The following SAYSD1 variants were observed in gnomAD, a reference collection of about 807,000 sequenced individuals.
SAYSD1 encodes the protein SAYSVFN motif domain containing 1.
A neutral mutation model predicts 14.5 loss-of-function variants in SAYSD1; 15 were observed. The observed-to-expected ratio is 1.03, with a 90% confidence interval of 0.69 to 1.59. The LOEUF is 1.59. Ranked by LOEUF, SAYSD1 falls within the 40% of genes most tolerant of loss-of-function variation. The pLI is 0.00. For missense variants in SAYSD1, 247 were observed against 227.3 expected (o/e 1.09, Z -0.56); for synonymous variants, 105 against 102.6 (o/e 1.02, Z -0.14).
intron 1 of SAYSD1, chr6:39,112,291 C>A (rs1299471379): frequency 6.5e-6 from 1 of 153,458 alleles, no homozygotes. Context: ...AACAGCTTAA[C>A]GACCTCAAAA....
At chr6:39,112,501 G>T (rs1204545336) in intron 1 of SAYSD1, 1 of 153,014 alleles carries the variant, frequency 6.5e-6, no homozygotes, top group East Asian at 1.9e-4. Context: ...AATGAGTTCT[G>T]ATATTTCTGA....
chr6:39,109,406 A>G, intron 1 of SAYSD1: 3 of 1,549,260 alleles, frequency 1.9e-6, no homozygotes, highest in Middle Eastern at 1.7e-4. Flanking sequence ...GGGAAGGAGG[A>G]TGTAGATACT....
intron 1 of SAYSD1, chr6:39,111,990 A>T (rs1224382639): frequency 6.6e-6 from 1 of 152,226 alleles, no homozygotes; most frequent in Non-Finnish European, 1.5e-5. Context: ...AAGTGGAGCA[A>T]CATAGGAAAG....
chr6:39,115,124 G>A lies in SAYSD1; in HGVS notation c.-35C>T, dbSNP rs573985214. 62 of 1,577,754 alleles carry A rather than the reference G, an allele frequency of 3.9e-5. No homozygotes were observed. In the South Asian group the frequency reaches 6.4e-4, roughly 16 times the overall value. On this transcript the variant is annotated 5_prime_UTR_variant, in exon 1 of 2. Coordinates refer to ENST00000229903, the MANE Select transcript of SAYSD1 (RefSeq NM_018322.3). ...CTCGCGTCCGTTGGCCGATAAGGGA[G>A]CGCGCGCCCGCAGGCCGCACAGCAG...
chr6:39,115,014 G>C lies in SAYSD1; in HGVS notation c.76C>G (p.Gln26Glu), dbSNP rs781157395. The C allele has an allele frequency of 1.2e-6, 2 of 1,613,434 alleles. No homozygotes were observed. The highest frequency in any genetic ancestry group is 2.7e-5 in the African/African-American group (2 of 74,946). Residue 26 changes from glutamine to glutamate, a missense_variant, in exon 1 of 2, where the codon CAG becomes GAG. By Grantham distance (29) the Gln-to-Glu change is conservative (BLOSUM62 2). Transcript: ENST00000229903. ...TTCTCTCCTGGGGTTTGTGCGCCCT[G>C]ACTGGCAGCAGGGGGTTGGGCCGCC... ...GLAAQPPAAS[Q>E]GAQTPGEKAE...
rs768529297 is a variant in SAYSD1 at position 39,109,320 on chromosome 6, T to C, written c.208-3544A>G. 5 of 1,550,880 alleles carry C rather than the reference T, an allele frequency of 3.2e-6. No homozygotes were observed. The South Asian group carries it at 5.9e-5, about 18-fold the overall frequency. On this transcript the variant is annotated intron_variant, in intron 1 of 1. Transcript: ENST00000229903. Reference sequence around the variant, plus strand: ...AGGAATTTTTAAAAGTTACCAGCATTTTTGTCCTAATGTGGAAGAAGCTCG... The same window carrying C: ...AGGAATTTTTAAAAGTTACCAGCATCTTTGTCCTAATGTGGAAGAAGCTCG...
In SAYSD1 at chr6:39,105,634, A is replaced by G. The variant is rs755726898; in HGVS notation, c.350T>C (p.Val117Ala). The change falls in exon 2 of 2, where the codon GTG becomes GCG. Residue 117 changes from valine to alanine, a missense_variant. Coordinates refer to ENST00000229903, the MANE Select transcript of SAYSD1 (RefSeq NM_018322.3). ...ATATGCCAGGCCAAATTCCAGTTCC[A>G]CAAACAGTCCCAGCAGGACCAACCA... ...LLWLVLLGLF[V>A]ELEFGLAYFV... The G allele has an allele frequency of 2.0e-5, 33 of 1,614,038 alleles. No homozygotes were observed. The highest frequency in any genetic ancestry group is 2.7e-5 in the Non-Finnish European group (32 of 1,180,030).
chr6:39,113,204 CAA>C (rs1378733821), intron 1 of SAYSD1: 19 of 151,988 alleles, frequency 1.3e-4, no homozygotes, highest in African/African-American at 4.6e-4. Flanking sequence ...TTGCATGACT[CAA>C]TAAATTTACT....
Position 39,104,420 on chromosome 6 carries a change from T to A in SAYSD1, c.*1012A>T, listed in dbSNP as rs1769453469. 6.6e-6 allele frequency: 1 copy of A among 152,024 alleles called. No homozygotes were observed. Among genetic ancestry groups the A allele is most frequent in the Non-Finnish European group, 1.5e-5 (1 of 68,026 alleles). 9.4% of individuals were successfully genotyped at this position (152,024 alleles called of 1,614,324 possible). On this transcript the variant is annotated 3_prime_UTR_variant, in exon 2 of 2. Transcript: ENST00000229903. ...TAAAATCCAGCCTGATTATCACAAT[T>A]TACAGAATTTCTCACCAGAGGCCCA...
intron 1 of SAYSD1, chr6:39,113,758 A>T (rs1483908706): frequency 1.3e-5 from 2 of 152,248 alleles, no homozygotes; most frequent in Admixed American, 1.3e-4. Flanking sequence ...TGGTTTCTAA[A>T]ATCTTAAGCA....
intron 1 of SAYSD1, among the ~76,000 whole-genome samples, chr6:39,108,381 G>A (rs773869285): frequency 6.0e-5 from 9 of 150,790 alleles, no homozygotes; most frequent in Non-Finnish European, 1.2e-4. Flanking sequence ...CCTTTATGGG[G>A]GGTGGCAGGA....
Position 39,105,235 on chromosome 6 carries a change from A to C in SAYSD1, c.*197T>G. On this transcript the variant is annotated 3_prime_UTR_variant, in exon 2 of 2. Transcript: ENST00000229903. Reference sequence around the variant, plus strand: ...ATAAATTGCGTCGGACCCACAGTGAATGTATTTTAGAGAGTTTCACCAAAA... The same window carrying C: ...ATAAATTGCGTCGGACCCACAGTGACTGTATTTTAGAGAGTTTCACCAAAA... 5 of 575,120 alleles carry C rather than the reference A, an allele frequency of 8.7e-6. No homozygotes were observed. The highest frequency in any genetic ancestry group is 1.5e-5 in the Non-Finnish European group (5 of 325,006). The allele number at this position is 575,120 out of a possible 1,614,324, so 35.6% of individuals were successfully genotyped here.
In SAYSD1 at chr6:39,115,105, T is replaced by C. The variant is rs1232953099; in HGVS notation, c.-16A>G. 6 of 1,594,388 alleles carry C rather than the reference T, an allele frequency of 3.8e-6. No individual in the cohort carries two copies. The highest frequency in any genetic ancestry group is 5.1e-6 in the Non-Finnish European group (6 of 1,174,670). On this transcript the variant is annotated 5_prime_UTR_variant, in exon 1 of 2. Coordinates refer to ENST00000229903, the MANE Select transcript of SAYSD1 (RefSeq NM_018322.3). ...GCTGTTCCATGGCGCGCGCCTCGCG[T>C]CCGTTGGCCGATAAGGGAGCGCGCG... is the stretch of plus-strand genomic sequence containing the variant.
At chr6:39,109,029 G>A (rs1769571472) in intron 1 of SAYSD1, among the ~76,000 whole-genome samples, 1 of 152,170 alleles carries the variant, frequency 6.6e-6, no homozygotes, top group South Asian at 2.1e-4. Context: ...GAACACAGCG[G>A]GCACATGACA....
At chr6:39,109,304 TA>T in intron 1 of SAYSD1, 1 of 1,550,694 alleles carries the variant, frequency 6.4e-7, no homozygotes, top group Non-Finnish European at 8.7e-7. Context: ...TAGGAATTTT[TA>T]AAAGTTACCA....
intron 1 of SAYSD1, among the ~76,000 whole-genome samples, chr6:39,109,938 A>G (rs1769594435): frequency 6.6e-6 from 1 of 152,030 alleles, no homozygotes; most frequent in African/African-American, 2.4e-5. Flanking sequence ...AGAGTATTCC[A>G]TTTGTGTATA....
At chr6:39,112,492 A>G (rs1188365264) in intron 1 of SAYSD1, 1 of 153,232 alleles carries the variant, frequency 6.5e-6, no homozygotes, top group Non-Finnish European at 1.5e-5. Flanking sequence ...AAGAAAGAAA[A>G]TGAGTTCTGA....
chr6:39,108,606 T>C (rs1769548587), intron 1 of SAYSD1, among the ~76,000 whole-genome samples: 1 of 152,144 alleles, frequency 6.6e-6, no homozygotes, highest in South Asian at 2.1e-4. Flanking sequence ...CTGCCATTCC[T>C]CAAATATCAA....
rs371231755 is a variant in SAYSD1, at chr6:39,114,988, C to T, written c.102G>A (p.Lys34=). The change falls in exon 1 of 2, where the codon AAG becomes AAA. Residue 34 remains lysine (K), a synonymous_variant. Transcript: ENST00000229903. ...CCTTTAGAGTCGCTGCTGCTTCCGC[C>T]TTCTCTCCTGGGGTTTGTGCGCCCT... The part of the protein sequence containing the change: ...ASQGAQTPGE[K]AEAAATLKAA... 2 of 1,613,822 alleles carry T rather than the reference C, an allele frequency of 1.2e-6. No homozygotes were observed. Among genetic ancestry groups the T allele is most frequent in the Admixed American group, 3.3e-5 (2 of 60,016 alleles).
Sources: gnomAD v4.1 joint callset for allele counts (sites outside exome capture counted in the v4.1 genomes callset) on GRCh38, gnomAD v4.1.1 for gene constraint, MANE v1.5 for transcripts, NCBI Gene and HGNC (gene_info 2026-07-23, HGNC 2026-07-21) for gene names.